DCC: variants seen among roughly 807,000 people sequenced by gnomAD.
The protein encoded by DCC is netrin receptor DCC.
DCC carries 58 observed loss-of-function variants against 172.5 expected under a neutral mutation model. The ratio of observed to expected loss-of-function variants is 0.34; its 90% CI spans 0.27 to 0.42. The LOEUF is 0.42. DCC is among the 10% of genes least tolerant of loss of function. DCC has a pLI of 1.00. For synonymous variants in DCC, 709 were observed against 644.5 expected (o/e 1.10, Z -1.52); for missense variants, 1,740 against 1,791.0 (o/e 0.97, Z 0.51).
intron 1 of DCC, among the ~76,000 whole-genome samples, chr18:52,693,987 C>T (rs560296400): frequency 6.6e-6 from 1 of 152,076 alleles, no homozygotes; most frequent in East Asian, 1.9e-4. Context: ...AACAATAGAG[C>T]ATGGAAAGGG....
At chr18:52,807,634 T>A (rs1379431571) in intron 2 of DCC, among the ~76,000 whole-genome samples, 1 of 152,066 alleles carries the variant, frequency 6.6e-6, no homozygotes, top group Admixed American at 6.6e-5. Flanking sequence ...TCATTACATA[T>A]CAGTCTGAAA....
chr18:52,414,484 G>T (rs1986950141), intron 1 of DCC, among the ~76,000 whole-genome samples: 1 of 152,100 alleles, frequency 6.6e-6, no homozygotes. Flanking sequence ...AACTGTCTCT[G>T]CATTCCAAGC....
chr18:52,924,629 T>A (rs1051902812), intron 4 of DCC, among the ~76,000 whole-genome samples: 1 of 152,094 alleles, frequency 6.6e-6, no homozygotes, highest in Non-Finnish European at 1.5e-5. Flanking sequence ...TTCTCCTTTT[T>A]AACATATTTA....
chr18:52,839,566 C>A (rs551172727), intron 2 of DCC, among the ~76,000 whole-genome samples: 1 of 152,340 alleles, frequency 6.6e-6, no homozygotes, highest in East Asian at 1.9e-4. Flanking sequence ...CACCAGCCCT[C>A]TTCTTGACAA....
At chr18:52,868,072 T>C (rs1214742963) in intron 2 of DCC, among the ~76,000 whole-genome samples, 1 of 148,334 alleles carries the variant, frequency 6.7e-6, no homozygotes, top group African/African-American at 2.5e-5. Flanking sequence ...TGTGTGTGTG[T>C]GTGTGTATAT....
intron 14 of DCC, among the ~76,000 whole-genome samples, chr18:53,329,888 TAG>T (rs1253729522): frequency 2.6e-5 from 4 of 152,158 alleles, no homozygotes; most frequent in Non-Finnish European, 5.9e-5. Flanking sequence ...TAACAGAACA[TAG>T]AAACAGCCCC....
At chr18:52,706,347 C>T (rs1225913151) in intron 1 of DCC, among the ~76,000 whole-genome samples, 2 of 152,158 alleles carry the variant, frequency 1.3e-5, no homozygotes, top group Admixed American at 1.3e-4. Flanking sequence ...AAAGAGGAAT[C>T]TCACAGACCA....
rs573138490 is a variant in DCC at position 52,982,321 on chromosome 18, G to A, written c.985+56951G>A. ...TTTCGAGCCATTTCCCCAGTGACAA[G>A]TAATGAGGGCAATGCAGCAGATGAC... On this transcript the variant is annotated intron_variant, in intron 5 of 28. Coordinates refer to ENST00000442544, the MANE Select transcript of DCC (RefSeq NM_005215.4). Among the ~76,000 whole-genome samples, 11 of 152,232 alleles carry A rather than the reference G, an allele frequency of 7.2e-5. No individual in the cohort carries two copies. The South Asian group carries it at 2.1e-3, about 29-fold the overall frequency.
chr18:53,407,693 A>G (rs1171154084), intron 19 of DCC, among the ~76,000 whole-genome samples: 2 of 151,532 alleles, frequency 1.3e-5, no homozygotes, highest in African/African-American at 4.8e-5. Flanking sequence ...ATATTTATAG[A>G]AATGTATACT....
chr18:53,128,192 T>C (rs1178249667), intron 7 of DCC, among the ~76,000 whole-genome samples: 2 of 152,186 alleles, frequency 1.3e-5, no homozygotes, highest in Admixed American at 6.5e-5. Context: ...TCACTTACCT[T>C]AGTACGAAAA....
intron 9 of DCC, among the ~76,000 whole-genome samples, chr18:53,190,621 G>C (rs1258066298): frequency 6.6e-6 from 1 of 152,080 alleles, no homozygotes; most frequent in African/African-American, 2.4e-5. Flanking sequence ...ATAAAAATTA[G>C]TTCAGAAAAC....
At position 53,097,663 on chromosome 18, in the gene DCC, A is replaced by G. The variant is rs118127848; in HGVS notation, c.1261+31497A>G. On this transcript the variant is annotated intron_variant, in intron 7 of 28. Coordinates refer to ENST00000442544, the MANE Select transcript of DCC (RefSeq NM_005215.4). Reference sequence around the variant, plus strand: ...TAGCATGGACTGGGTAACTTTAACAACAGACACTTATTTGCTCACAGTTCT... The same window carrying G: ...TAGCATGGACTGGGTAACTTTAACAGCAGACACTTATTTGCTCACAGTTCT... Among the ~76,000 whole-genome samples, 840 of 152,262 alleles carry G rather than the reference A, an allele frequency of 5.5e-3. 6 individuals are homozygous for G. Among genetic ancestry groups the G allele is most frequent in the Admixed American group, 0.022 (339 of 15,284 alleles).
intron 1 of DCC, among the ~76,000 whole-genome samples, chr18:52,506,082 C>T (rs2031219835): frequency 6.6e-6 from 1 of 150,970 alleles, no homozygotes; most frequent in South Asian, 2.1e-4. Flanking sequence ...TTACCTATGC[C>T]ATGCCAAATT....
chr18:53,222,702 G>A (rs963680089), intron 12 of DCC, among the ~76,000 whole-genome samples: 1 of 152,000 alleles, frequency 6.6e-6, no homozygotes, highest in Non-Finnish European at 1.5e-5. Context: ...ACTTTCCCAA[G>A]AAACAAGGTT....
intron 5 of DCC, among the ~76,000 whole-genome samples, chr18:53,053,848 G>T (rs1373571965): frequency 6.6e-6 from 1 of 152,080 alleles, no homozygotes; most frequent in Non-Finnish European, 1.5e-5. Flanking sequence ...GTCTCATTTA[G>T]TTCACAGCTA....
intron 15 of DCC, among the ~76,000 whole-genome samples, chr18:53,348,671 C>T (rs1337139507): frequency 1.3e-5 from 2 of 152,104 alleles, no homozygotes; most frequent in Admixed American, 1.3e-4. Flanking sequence ...GTTCCCAAAC[C>T]CCAATTCTTG....
At chr18:53,369,367 C>A (rs1027168731) in intron 15 of DCC, among the ~76,000 whole-genome samples, 3 of 151,812 alleles carry the variant, frequency 2.0e-5, no homozygotes, top group African/African-American at 7.2e-5. Context: ...TAGCTAAAAA[C>A]TGAAAAGTTA....
At chr18:53,318,151 G>T (rs1009370054) in intron 13 of DCC, among the ~76,000 whole-genome samples, 4 of 152,058 alleles carry the variant, frequency 2.6e-5, no homozygotes, top group Admixed American at 6.6e-5. Context: ...CACTGCTTTA[G>T]CTGGGTCCCA....
chr18:52,444,024 A>G (rs1042495594), intron 1 of DCC, among the ~76,000 whole-genome samples: 4 of 152,190 alleles, frequency 2.6e-5, no homozygotes. Flanking sequence ...AAAGGAAAGT[A>G]TTAAGGATAA....
Sources: allele counts gnomAD v4.1 joint callset (sites outside exome capture counted in the v4.1 genomes callset), GRCh38; gene constraint gnomAD v4.1.1; transcripts MANE v1.5; gene names NCBI Gene and HGNC (gene_info 2026-07-23, HGNC 2026-07-21).